The following MECOM variants were observed in gnomAD, a reference collection of about 807,000 sequenced individuals.
MECOM encodes MDS1 and EVI1 complex locus, also known as histone-lysine N-methyltransferase MECOM.
Under a neutral mutation model 116.3 loss-of-function variants are expected in MECOM, and 13 were observed. That is an observed-to-expected ratio of 0.11 (90% CI 0.07 to 0.18). The LOEUF (loss-of-function observed/expected upper bound fraction) is 0.18, where lower values mean the gene tolerates loss of function less well. Among genes scored for constraint, MECOM ranks in the 10% least tolerant of loss-of-function variants. MECOM has a pLI of 1.00. For missense variants in MECOM, 1,299 were observed against 1,509.0 expected (o/e 0.86, Z 2.31); for synonymous variants, 528 against 535.2 (o/e 0.99, Z 0.19).
At chr3:169,128,615 T>G (rs1733676753) in intron 4 of MECOM, among the ~76,000 whole-genome samples, 2 of 12,514 alleles carry the variant, frequency 1.6e-4, no homozygotes, top group South Asian at 6.2e-3. Context: ...GAGCCATGTT[T>G]AACCTGGTTA....
intron 1 of MECOM, among the ~76,000 whole-genome samples, chr3:169,470,858 A>C (rs1014097957): frequency 6.6e-6 from 1 of 152,234 alleles, no homozygotes; most frequent in Non-Finnish European, 1.5e-5. Flanking sequence ...GATAGATTCA[A>C]ATAGCTAGAG....
intron 2 of MECOM, among the ~76,000 whole-genome samples, chr3:169,188,103 T>TA (rs201430392): frequency 5.3e-5 from 8 of 151,910 alleles, no homozygotes; most frequent in Non-Finnish European, 8.8e-5. Context: ...GTGATCCGAA[T>TA]AAAAAAAATT....
At chr3:169,156,972 T>C (rs1362362243) in intron 2 of MECOM, among the ~76,000 whole-genome samples, 1 of 152,152 alleles carries the variant, frequency 6.6e-6, no homozygotes, top group Non-Finnish European at 1.5e-5. Context: ...TTAAATCAGA[T>C]GGCATACAAA....
chr3:169,617,691 G>A (rs554899315), intron 1 of MECOM, among the ~76,000 whole-genome samples: 1 of 152,182 alleles, frequency 6.6e-6, no homozygotes, highest in African/African-American at 2.4e-5. Flanking sequence ...GGTCTATAAA[G>A]ACTTGTCCCC....
At chr3:169,645,715 G>T (rs1380631466) in intron 1 of MECOM, among the ~76,000 whole-genome samples, 1 of 152,184 alleles carries the variant, frequency 6.6e-6, no homozygotes, top group Admixed American at 6.5e-5. Flanking sequence ...ACAACCCTAT[G>T]CCTGTAAAAA....
chr3:169,548,004 T>C (rs1760935650), intron 1 of MECOM, among the ~76,000 whole-genome samples: 2 of 152,228 alleles, frequency 1.3e-5, no homozygotes, highest in Non-Finnish European at 2.9e-5. Flanking sequence ...TATTTACTAT[T>C]TTCTTTGATG....
intron 7 of MECOM, 80 bp downstream of exon 7, chr3:169,120,976 G>A (rs901497627): frequency 1.2e-5 from 18 of 1,457,620 alleles, no homozygotes; most frequent in Non-Finnish European, 1.7e-5. Context: ...TAAAGGCCAT[G>A]TGCAGCCACT....
chr3:169,243,192 C>A (rs1358500186), intron 2 of MECOM, among the ~76,000 whole-genome samples: 3 of 152,160 alleles, frequency 2.0e-5, no homozygotes, highest in Non-Finnish European at 4.4e-5. Flanking sequence ...CAGGCACAAA[C>A]CATGTTTTGT....
At chr3:169,149,925 T>C (rs202011536) in intron 2 of MECOM, among the ~76,000 whole-genome samples, 19 of 133,048 alleles carry the variant, frequency 1.4e-4, no homozygotes, top group East Asian at 1.3e-3. Context: ...TAATCTCTCT[T>C]TCTCTCTCTC....
At chr3:169,183,822 A>G (rs1014573970) in intron 2 of MECOM, among the ~76,000 whole-genome samples, 8 of 73,358 alleles carry the variant, frequency 1.1e-4, no homozygotes, top group African/African-American at 9.2e-4. Context: ...ACACACACAT[A>G]TATATATATA....
At chr3:169,452,289 T>C (rs1745746538) in intron 1 of MECOM, among the ~76,000 whole-genome samples, 1 of 151,980 alleles carries the variant, frequency 6.6e-6, no homozygotes, top group African/African-American at 2.4e-5. Flanking sequence ...TTCCCTTATT[T>C]GTAGGACAAA....
At position 169,128,157 on chromosome 3, in the gene MECOM, T is replaced by A. The variant is rs1733533854; in HGVS notation, c.614-97A>T. The A allele has an allele frequency of 1.8e-5, 18 of 991,820 alleles. No homozygotes were observed. In the South Asian group the frequency reaches 2.2e-4, roughly 12 times the overall value. 61.4% of individuals were successfully genotyped at this position (991,820 alleles called of 1,614,324 possible). On this transcript the variant is annotated intron_variant, in intron 4 of 16. Transcript: ENST00000651503. ...ATTTTACAAGACATAATAGGTATTATTTGATTGTCATTTCTATCTTGTCAA... is the reference window on the plus strand; with the variant it reads ...ATTTTACAAGACATAATAGGTATTAATTGATTGTCATTTCTATCTTGTCAA...
chr3:169,354,909 T>G (rs922202989), intron 2 of MECOM, among the ~76,000 whole-genome samples: 2 of 151,728 alleles, frequency 1.3e-5, no homozygotes, highest in South Asian at 2.1e-4. Context: ...CAAACACAGA[T>G]AGCATCCCGG....
intron 1 of MECOM, among the ~76,000 whole-genome samples, chr3:169,588,067 A>G (rs1765982391): frequency 6.6e-6 from 1 of 152,196 alleles, no homozygotes; most frequent in Admixed American, 6.5e-5. Flanking sequence ...AAGTAAACAG[A>G]ATCTTTATTA....
chr3:169,633,902 CAAAAAAAA>C (rs3045472), intron 1 of MECOM, among the ~76,000 whole-genome samples: 85 of 137,164 alleles, frequency 6.2e-4, no homozygotes, highest in South Asian at 9.5e-4. Flanking sequence ...GTGACCCTGG[CAAAAAAAA>C]AAAAAAAACA....
intron 1 of MECOM, among the ~76,000 whole-genome samples, chr3:169,538,495 C>A (rs1247450357): frequency 1.3e-5 from 2 of 152,188 alleles, no homozygotes; most frequent in Non-Finnish European, 2.9e-5. Context: ...TCCCTATCCT[C>A]AGTTTGCAAA....
chr3:169,540,298 C>G (rs952024044), intron 1 of MECOM, among the ~76,000 whole-genome samples: 2 of 152,124 alleles, frequency 1.3e-5, no homozygotes, highest in Admixed American at 6.5e-5. Context: ...CTCCCACAAC[C>G]AAGCAGGAGT....
At chr3:169,479,440 G>A (rs1750956146) in intron 1 of MECOM, among the ~76,000 whole-genome samples, 1 of 152,040 alleles carries the variant, frequency 6.6e-6, no homozygotes. Flanking sequence ...AGCATAGACA[G>A]TGGAGGAGAC....
At chr3:169,102,530 G>A (rs1324127414) in intron 10 of MECOM, among the ~76,000 whole-genome samples, 1 of 152,150 alleles carries the variant, frequency 6.6e-6, no homozygotes, top group Non-Finnish European at 1.5e-5. Flanking sequence ...ATAAAGCCAA[G>A]TTAACTTTTT....
Sources: gnomAD v4.1 joint callset for allele counts (sites outside exome capture counted in the v4.1 genomes callset) on GRCh38, gnomAD v4.1.1 for gene constraint, MANE v1.5 for transcripts, NCBI Gene and HGNC (gene_info 2026-07-23, HGNC 2026-07-21) for gene names.